The following PCDH17 variants were observed in gnomAD, a reference collection of about 807,000 sequenced individuals.
PCDH17 encodes protocadherin 17, also known as protocadherin-17.
A neutral mutation model predicts 67.7 loss-of-function variants in PCDH17; 21 were observed. The ratio of observed to expected loss-of-function variants is 0.31; its 90% CI spans 0.22 to 0.45. PCDH17 has a LOEUF of 0.45. Ranked by LOEUF, PCDH17 falls within the 20% of genes least tolerant of loss-of-function variation. The pLI is 1.00. For missense variants in PCDH17, 1,471 were observed against 1,564.8 expected (o/e 0.94, Z 1.01); for synonymous variants, 701 against 656.7 (o/e 1.07, Z -1.03).
At chr13:57,713,394 G>T (rs769014569) in intron 3 of PCDH17, among the ~76,000 whole-genome samples, 2 of 151,642 alleles carry the variant, frequency 1.3e-5, no homozygotes, top group Non-Finnish European at 3.0e-5. Flanking sequence ...CACAGTTACA[G>T]GTAATAAGAA....
At chr13:57,679,954 G>A (rs1454576578) in intron 3 of PCDH17, among the ~76,000 whole-genome samples, 2 of 151,268 alleles carry the variant, frequency 1.3e-5, no homozygotes, top group Non-Finnish European at 3.0e-5. Context: ...TTTGTTCAGG[G>A]CCAGGTCTCA....
At chr13:57,647,206 A>C (rs781008257) in intron 1 of PCDH17, among the ~76,000 whole-genome samples, 49 of 151,878 alleles carry the variant, frequency 3.2e-4, no homozygotes, top group Non-Finnish European at 5.8e-4. Flanking sequence ...ATCAAACCTT[A>C]TAATCTAAAA....
chr13:57,641,696 T>C (rs1360309198), intron 1 of PCDH17, among the ~76,000 whole-genome samples: 2 of 146,990 alleles, frequency 1.4e-5, no homozygotes, highest in African/African-American at 5.0e-5. Context: ...TTGCCCTGGA[T>C]CTATTCCAAG....
At chr13:57,670,157 GAGT>G (rs1232945729) in intron 3 of PCDH17, among the ~76,000 whole-genome samples, 4 of 151,914 alleles carry the variant, frequency 2.6e-5, no homozygotes, top group Non-Finnish European at 4.4e-5. Flanking sequence ...TTCACGTAAT[GAGT>G]AGTTTACTCA....
At chr13:57,666,363 G>A (rs953769562) in intron 1 of PCDH17, 105 bp from the exon 2 acceptor site, 1 of 824,524 alleles carries the variant, frequency 1.2e-6, no homozygotes, top group Non-Finnish European at 2.0e-6. Flanking sequence ...GAAGATTAAG[G>A]GAATTTTTGA....
chr13:57,648,880 G>A (rs1955001214), intron 1 of PCDH17, among the ~76,000 whole-genome samples: 1 of 152,030 alleles, frequency 6.6e-6, no homozygotes, highest in Non-Finnish European at 1.5e-5. Context: ...GCCAGTGTAA[G>A]TATAATACCA....
At position 57,728,517 on chromosome 13, in the gene PCDH17, T is replaced by TAAAA. The variant is rs146333612; in HGVS notation, c.*3243_*3246dup. On this transcript the variant is annotated 3_prime_UTR_variant, in exon 4 of 4. Transcript: ENST00000377918. ...TTCTAAAAATTGCTTGCAGATGAGC[T>TAAAA]AAAAAAAAAAAAAAAAAAAAAAAGC... 2 of 70,802 alleles carry TAAAA rather than the reference T, an allele frequency of 2.8e-5. No homozygotes were observed. The highest frequency in any genetic ancestry group is 1.7e-4 in the Admixed American group (1 of 5,798). The allele number at this position is 70,802 out of a possible 1,614,324, so 4.4% of individuals were successfully genotyped here.
chr13:57,660,943 T>C (rs1036432903), intron 1 of PCDH17, among the ~76,000 whole-genome samples: 1 of 152,200 alleles, frequency 6.6e-6, no homozygotes, highest in Non-Finnish European at 1.5e-5. Context: ...TTTTGAAAGA[T>C]ACCTAGGCTG....
intron 1 of PCDH17, among the ~76,000 whole-genome samples, chr13:57,637,309 T>A (rs1593891031): frequency 1.3e-5 from 2 of 152,094 alleles, no homozygotes; most frequent in East Asian, 3.8e-4. Context: ...AACTTTTTTT[T>A]AATTCAGTTT....
In PCDH17 at chr13:57,633,085, G is replaced by T. The variant is rs761465051; in HGVS notation, c.539G>T (p.Gly180Val). 1 of 1,613,452 alleles carries T rather than the reference G, an allele frequency of 6.2e-7. No homozygotes were observed. The highest frequency in any genetic ancestry group is 2.2e-5 in the East Asian group (1 of 44,818). Residue 180 changes from glycine to valine, a missense_variant, in exon 1 of 4, where the codon GGA becomes GTA. Physicochemically the swap from Gly to Val is moderately radical, Grantham distance 109 (BLOSUM62 -3). Coordinates refer to ENST00000377918, the MANE Select transcript of PCDH17 (RefSeq NM_001040429.3). This position sits in a 1 kb window ranked among gnomAD's most constrained non-coding sequence, Gnocchi z 6.2. Reference sequence around the variant, plus strand: ...ACGCGCGACGATCACGGCCTCTTTGGACTGGACGTTAAGTCCCGCGGCGAC... The same window carrying T: ...ACGCGCGACGATCACGGCCTCTTTGTACTGGACGTTAAGTCCCGCGGCGAC... Reference protein sequence around the residue: ...LLTRDDHGLFGLDVKSRGDGT... With the variant: ...LLTRDDHGLFVLDVKSRGDGT...
intron 3 of PCDH17, among the ~76,000 whole-genome samples, chr13:57,723,169 A>G (rs1358073833): frequency 3.9e-5 from 6 of 152,204 alleles, no homozygotes; most frequent in Admixed American, 6.5e-5. Context: ...GACAAAATTA[A>G]AATAGAAGAA....
rs1955280219 is a variant in PCDH17 at position 57,668,322 on chromosome 13, T to C, written c.2797+1489T>C. Among the ~76,000 whole-genome samples the C allele has an allele frequency of 2.0e-5, 3 of 152,062 alleles. No individual in the cohort carries two copies. The South Asian group carries it at 6.2e-4, about 31-fold the overall frequency. ...TGTGAATGACACATAAAATGATTGA[T>C]AGATAATTGATTGGCTACTACTTAT... On this transcript the variant is annotated intron_variant, in intron 3 of 3. Coordinates refer to ENST00000377918, the MANE Select transcript of PCDH17 (RefSeq NM_001040429.3).
intron 3 of PCDH17, among the ~76,000 whole-genome samples, chr13:57,668,998 C>G (rs970674425): frequency 1.3e-5 from 2 of 151,996 alleles, no homozygotes; most frequent in African/African-American, 2.4e-5. Context: ...CCGCTCCCCC[C>G]ACCCCACAAC....
upstream of PCDH17, among the ~76,000 whole-genome samples, chr13:57,631,560 A>T (rs1000225286): frequency 1.3e-5 from 2 of 152,140 alleles, no homozygotes; most frequent in Non-Finnish European, 2.9e-5. Flanking sequence ...GAAATCAGAG[A>T]GTGTGTTCTA....
intron 3 of PCDH17, among the ~76,000 whole-genome samples, chr13:57,682,239 A>G (rs529451955): frequency 6.6e-6 from 1 of 151,852 alleles, no homozygotes; most frequent in Admixed American, 6.6e-5. Flanking sequence ...TCCTCATGCT[A>G]ACATCTGTCA....
chr13:57,709,703 C>T (rs1019420413), intron 3 of PCDH17: 3 of 152,180 alleles, frequency 2.0e-5, no homozygotes, highest in Non-Finnish European at 4.4e-5. Context: ...CTATCCTCAC[C>T]CTACACACCA....
intron 3 of PCDH17, among the ~76,000 whole-genome samples, chr13:57,678,769 G>A (rs1449458680): frequency 4.0e-5 from 6 of 151,492 alleles, no homozygotes; most frequent in African/African-American, 9.7e-5. Flanking sequence ...ACAAGAAATA[G>A]GGGCATGGAA....
intron 1 of PCDH17, among the ~76,000 whole-genome samples, chr13:57,646,641 A>G (rs1170233729): frequency 1.3e-5 from 2 of 151,794 alleles, no homozygotes; most frequent in African/African-American, 4.8e-5. Flanking sequence ...GTGAAGGAAA[A>G]ATAGAAAGAA....
At chr13:57,719,316 A>G (rs1381930253) in intron 3 of PCDH17, among the ~76,000 whole-genome samples, 2 of 152,044 alleles carry the variant, frequency 1.3e-5, no homozygotes, top group African/African-American at 2.4e-5. Context: ...TTGGTTGACA[A>G]TCATAAAGCA....
Sources: allele counts gnomAD v4.1 joint callset (sites outside exome capture counted in the v4.1 genomes callset), GRCh38; gene constraint gnomAD v4.1.1; non-coding constraint Gnocchi (gnomAD v3.1); transcripts MANE v1.5; gene names NCBI Gene and HGNC (gene_info 2026-07-23, HGNC 2026-07-21).